The following AKR1B10 variants were observed in gnomAD, a reference collection of about 807,000 sequenced individuals.
AKR1B10 encodes the protein ARP.
A neutral mutation model predicts 38.9 loss-of-function variants in AKR1B10; 39 were observed. That is an observed-to-expected ratio of 1.00 (90% CI 0.78 to 1.31). The LOEUF (loss-of-function observed/expected upper bound fraction) is 1.31, where lower values mean the gene tolerates loss of function less well. AKR1B10 is among the 50% of genes most tolerant of loss of function. The probability of loss-of-function intolerance (pLI) is 0.00; values close to 1 mark genes in which losing one functional copy is unlikely to be tolerated. For missense variants in AKR1B10, 361 were observed against 382.6 expected, an observed-to-expected ratio of 0.94 and a Z score of 0.47; for synonymous variants, 148 against 141.2, an observed-to-expected ratio of 1.05 and a Z score of -0.34.
At chr7:134,534,711 G>A (rs1336792521) in intron 4 of AKR1B10, among the ~76,000 whole-genome samples, 1 of 152,188 alleles carries the variant, frequency 6.6e-6, no homozygotes, top group Non-Finnish European at 1.5e-5. Context: ...GAGGAAAAAT[G>A]TATAAAGAAG....
At chr7:134,529,883 C>T (rs1423004375) in intron 1 of AKR1B10, among the ~76,000 whole-genome samples, 1 of 151,612 alleles carries the variant, frequency 6.6e-6, no homozygotes, top group Admixed American at 6.6e-5. Context: ...AACTCTATTC[C>T]TATAAGGTTT....
At chr7:134,540,447 G>C (rs1373314910) in intron 9 of AKR1B10, among the ~76,000 whole-genome samples, 1 of 152,142 alleles carries the variant, frequency 6.6e-6, no homozygotes, top group Non-Finnish European at 1.5e-5. Flanking sequence ...CATCATTTCT[G>C]GCAATGGGTA....
chr7:134,538,549 G>C (rs1199970662), intron 8 of AKR1B10, among the ~76,000 whole-genome samples: 2 of 152,128 alleles, frequency 1.3e-5, no homozygotes, highest in East Asian at 3.9e-4. Flanking sequence ...AGTTGCCCCT[G>C]AGCAGCTAGG....
chr7:134,534,341 C>G (rs1206913409), intron 4 of AKR1B10, among the ~76,000 whole-genome samples: 3 of 152,126 alleles, frequency 2.0e-5, no homozygotes, highest in Non-Finnish European at 4.4e-5. Context: ...AGTCTGGTCT[C>G]GAAGTCCTGA....
At chr7:134,538,552 C>T (rs1007747547) in intron 8 of AKR1B10, among the ~76,000 whole-genome samples, 3 of 152,180 alleles carry the variant, frequency 2.0e-5, no homozygotes, top group African/African-American at 7.2e-5. Flanking sequence ...TGCCCCTGAG[C>T]AGCTAGGCCC....
At chr7:134,529,131 A>G (rs1293534688) in intron 1 of AKR1B10, among the ~76,000 whole-genome samples, 2 of 152,050 alleles carry the variant, frequency 1.3e-5, no homozygotes, top group African/African-American at 4.8e-5. Context: ...CTCATGGCTA[A>G]TGTCCCTGCT....
intron 4 of AKR1B10, 148 bp from the exon 5 acceptor site, chr7:134,536,502 G>C: frequency 7.6e-7 from 1 of 1,315,796 alleles, no homozygotes; most frequent in East Asian, 2.5e-5. Flanking sequence ...TGGGCACCCA[G>C]GCCCTGGACT....
At chr7:134,540,811 G>A (rs1472345927) in intron 9 of AKR1B10, among the ~76,000 whole-genome samples, 2 of 152,106 alleles carry the variant, frequency 1.3e-5, no homozygotes, top group East Asian at 1.9e-4. Context: ...ACTATGGGTT[G>A]TCATTACGAG....
At chr7:134,534,579 C>G (rs569918764) in intron 4 of AKR1B10, among the ~76,000 whole-genome samples, 1 of 152,260 alleles carries the variant, frequency 6.6e-6, no homozygotes, top group African/African-American at 2.4e-5. Context: ...GAAAAGATAG[C>G]AGTGATCAAG....
intron 4 of AKR1B10, among the ~76,000 whole-genome samples, chr7:134,533,992 G>C (rs950958651): frequency 1.3e-5 from 2 of 152,152 alleles, no homozygotes; most frequent in African/African-American, 4.8e-5. Context: ...TTGCGAGTTT[G>C]TATTGTGTTT....
intron 9 of AKR1B10, among the ~76,000 whole-genome samples, chr7:134,540,054 C>T (rs963405157): frequency 4.6e-5 from 7 of 152,062 alleles, no homozygotes; most frequent in African/African-American, 9.7e-5. Flanking sequence ...GGTGAAACCC[C>T]GTCTCTACCA....
intron 4 of AKR1B10, among the ~76,000 whole-genome samples, chr7:134,535,003 T>C (rs1232952049): frequency 6.6e-6 from 1 of 151,972 alleles, no homozygotes; most frequent in Non-Finnish European, 1.5e-5. Context: ...TTTTTTTTAA[T>C]TTAGAGAGAG....
At chr7:134,537,235 G>A in intron 6 of AKR1B10, 78 bp downstream of exon 6, 1 of 1,510,968 alleles carries the variant, frequency 6.6e-7, no homozygotes, top group Non-Finnish European at 8.9e-7. Context: ...GTTGGTATGG[G>A]TCCATAAGTT....
intron 4 of AKR1B10, chr7:134,535,584 T>TA: frequency 1.2e-6 from 1 of 856,592 alleles, no homozygotes; most frequent in Non-Finnish European, 1.4e-6. Flanking sequence ...CTCTTTTCTG[T>TA]CTTTTTTTTT....
In AKR1B10 at chr7:134,531,971, C is replaced by A; in HGVS notation, c.298C>A (p.Leu100Met). The A allele has an allele frequency of 1.9e-6, 3 of 1,614,114 alleles. No homozygotes were observed. The highest frequency in any genetic ancestry group is 2.5e-6 in the Non-Finnish European group (3 of 1,179,982). ...RKAFEKTLKD[L>M]KLSYLDVYLI... ...AGCCTTTGAGAAGACCCTCAAGGAC[C>A]TGAAGCTGAGCTATCTGGACGTCTA... Residue 100 changes from leucine to methionine, a missense_variant, in exon 3 of 10, where the codon CTG (leucine) becomes ATG (methionine). Leu to Met is a conservative substitution (Grantham distance 15). Transcript: ENST00000359579.
At chr7:134,532,618 C>T (rs1358405821) in intron 3 of AKR1B10, among the ~76,000 whole-genome samples, 1 of 152,164 alleles carries the variant, frequency 6.6e-6, no homozygotes, top group East Asian at 1.9e-4. Context: ...CTTCTAGAGG[C>T]TGCAAGGATA....
intron 4 of AKR1B10, among the ~76,000 whole-genome samples, chr7:134,533,442 T>C (rs538042018): frequency 6.6e-6 from 1 of 152,306 alleles, no homozygotes; most frequent in East Asian, 1.9e-4. Flanking sequence ...CTCAGTTTTC[T>C]CTTCTTAAAA....
intron 1 of AKR1B10, among the ~76,000 whole-genome samples, chr7:134,529,412 G>A (rs1287399523): frequency 6.6e-6 from 1 of 152,170 alleles, no homozygotes; most frequent in African/African-American, 2.4e-5. Context: ...CTCACCCTGG[G>A]TGAGTTTACC....
Position 134,538,995 on chromosome 7 carries a change from T to C in AKR1B10, c.886T>C (p.Trp296Arg), listed in dbSNP as rs1185236820. 10 of 1,614,078 alleles carry C rather than the reference T, an allele frequency of 6.2e-6. 1 individual carries two copies. In the Admixed American group the frequency reaches 1.7e-4, roughly 27 times the overall value. ...MATILSFNRN[W>R]RACNVLQSSH... ...AACCATACTCAGCTTCAACAGAAAC[T>C]GGAGGGCCTGTAACGTGTTGCAGTA... The change falls in exon 9 of 10, where the codon TGG becomes CGG. Residue 296 changes from tryptophan (W) to arginine (R), a missense_variant. Physicochemically the swap from Trp to Arg is moderately radical, Grantham distance 101 (BLOSUM62 -3). Transcript: ENST00000359579.
Sources: allele counts gnomAD v4.1 joint callset (sites outside exome capture counted in the v4.1 genomes callset), GRCh38; gene constraint gnomAD v4.1.1; transcripts MANE v1.5; gene names NCBI Gene and HGNC (gene_info 2026-07-23, HGNC 2026-07-21).